The following FSTL5 variants were observed in gnomAD, a reference collection of about 807,000 sequenced individuals.
The protein encoded by FSTL5 is follistatin like 5, also known as follistatin-related protein 5.
A neutral mutation model predicts 89.1 loss-of-function variants in FSTL5; 62 were observed. The ratio of observed to expected loss-of-function variants is 0.70; its 90% CI spans 0.57 to 0.86. The LOEUF is 0.86. FSTL5 is among the 40% of genes least tolerant of loss of function. The pLI is 0.00. For synonymous variants in FSTL5, 383 were observed against 346.2 expected (o/e 1.11, Z -1.18); for missense variants, 1,057 against 1,001.6 (o/e 1.06, Z -0.75).
chr4:161,582,044 C>G (rs1271633539), intron 8 of FSTL5, among the ~76,000 whole-genome samples: 1 of 152,202 alleles, frequency 6.6e-6, no homozygotes, highest in Non-Finnish European at 1.5e-5. Flanking sequence ...CACAGAAGCA[C>G]TCTCATATTT....
chr4:161,969,674 T>A (rs1280816495), intron 3 of FSTL5, among the ~76,000 whole-genome samples: 2 of 152,132 alleles, frequency 1.3e-5, no homozygotes, highest in Non-Finnish European at 2.9e-5. Context: ...TCCACACGTA[T>A]TTCCTGTGCA....
At chr4:161,726,847 G>A (rs1414202828) in intron 6 of FSTL5, among the ~76,000 whole-genome samples, 2 of 150,602 alleles carry the variant, frequency 1.3e-5, no homozygotes, top group South Asian at 2.1e-4. Flanking sequence ...TACTGATTAA[G>A]GGATTCTAAC....
At chr4:161,494,036 T>C (rs1422730341) in intron 12 of FSTL5, among the ~76,000 whole-genome samples, 3 of 152,166 alleles carry the variant, frequency 2.0e-5, no homozygotes, top group East Asian at 3.9e-4. Flanking sequence ...AAGACCTCTT[T>C]ACATCTACGA....
At chr4:162,092,509 T>C (rs1056885105) in intron 2 of FSTL5, among the ~76,000 whole-genome samples, 1 of 152,184 alleles carries the variant, frequency 6.6e-6, no homozygotes, top group Non-Finnish European at 1.5e-5. Flanking sequence ...CTAGAAATTA[T>C]TTCACCTGAA....
intron 15 of FSTL5, among the ~76,000 whole-genome samples, chr4:161,444,271 G>A (rs1018500257): frequency 1.3e-5 from 2 of 151,930 alleles, no homozygotes; most frequent in African/African-American, 4.8e-5. Flanking sequence ...ACTTTATGAA[G>A]TTGGACATGA....
intron 3 of FSTL5, among the ~76,000 whole-genome samples, chr4:161,930,458 G>A (rs959409508): frequency 6.6e-6 from 1 of 151,754 alleles, no homozygotes; most frequent in South Asian, 2.1e-4. Context: ...AAAGCACTAT[G>A]CTTCCATGAG....
rs1054246567 is a variant in FSTL5, at chr4:161,424,543, A to G, written c.1841+30461T>C. Among the ~76,000 whole-genome samples, 10 of 146,848 alleles carry G rather than the reference A, an allele frequency of 6.8e-5. No individual in the cohort carries two copies. The East Asian group carries it at 2.0e-3, about 30-fold the overall frequency. ...TTCCTCCTTTAAATAAAAAAAAAAA[A>G]TGGTTTTCTTTTGTAATATTCCCTC... On this transcript the variant is annotated intron_variant, in intron 15 of 15. Transcript: ENST00000306100.
intron 10 of FSTL5, among the ~76,000 whole-genome samples, chr4:161,531,197 A>C (rs1731402077): frequency 6.6e-6 from 1 of 152,214 alleles, no homozygotes; most frequent in South Asian, 2.1e-4. Flanking sequence ...TTGTTGACAA[A>C]GTTAGACACT....
At chr4:161,779,793 A>G (rs867266241) in intron 4 of FSTL5, among the ~76,000 whole-genome samples, 7 of 51,748 alleles carry the variant, frequency 1.4e-4, no homozygotes, top group South Asian at 1.3e-3. Flanking sequence ...ATATATATAT[A>G]TATATATATA....
intron 7 of FSTL5, among the ~76,000 whole-genome samples, chr4:161,593,708 C>A (rs1733912585): frequency 6.6e-6 from 1 of 152,046 alleles, no homozygotes; most frequent in Admixed American, 6.6e-5. Flanking sequence ...TATATACGAT[C>A]AATCATACCA....
intron 5 of FSTL5, among the ~76,000 whole-genome samples, chr4:161,770,989 A>G (rs1025131366): frequency 6.6e-6 from 1 of 152,044 alleles, no homozygotes; most frequent in Non-Finnish European, 1.5e-5. Flanking sequence ...AACAAAACGA[A>G]TATTGTGCTA....
chr4:162,033,346 G>A (rs1206816598), intron 3 of FSTL5, among the ~76,000 whole-genome samples: 1 of 152,068 alleles, frequency 6.6e-6, no homozygotes, highest in Non-Finnish European at 1.5e-5. Context: ...ACAATGGTTG[G>A]TGGAGGAGTT....
chr4:161,830,484 C>T (rs1730810405), intron 4 of FSTL5, among the ~76,000 whole-genome samples: 1 of 151,844 alleles, frequency 6.6e-6, no homozygotes, highest in African/African-American at 2.4e-5. Context: ...TGCAGGCATA[C>T]TTTTTATTGA....
intron 4 of FSTL5, among the ~76,000 whole-genome samples, chr4:161,875,738 T>C (rs1235870239): frequency 6.6e-6 from 1 of 152,230 alleles, no homozygotes; most frequent in Non-Finnish European, 1.5e-5. Context: ...GTGGCTTTCC[T>C]TTTTACATGA....
At chr4:162,010,676 T>C (rs1221933902) in intron 3 of FSTL5, among the ~76,000 whole-genome samples, 1 of 152,252 alleles carries the variant, frequency 6.6e-6, no homozygotes, top group African/African-American at 2.4e-5. Context: ...TCTGGTCATT[T>C]CATATAAACA....
intron 6 of FSTL5, among the ~76,000 whole-genome samples, chr4:161,691,191 A>T (rs1303143293): frequency 6.6e-6 from 1 of 151,906 alleles, no homozygotes; most frequent in Admixed American, 6.6e-5. Flanking sequence ...TTTATTATTC[A>T]GTTCATTCAC....
chr4:161,818,603 G>A (rs1222223066), intron 4 of FSTL5, among the ~76,000 whole-genome samples: 1 of 152,214 alleles, frequency 6.6e-6, no homozygotes, highest in Non-Finnish European at 1.5e-5. Flanking sequence ...GGTTTGAGCA[G>A]TGGGGCATTG....
chr4:161,791,996 A>C (rs1302114424), intron 4 of FSTL5, among the ~76,000 whole-genome samples: 1 of 152,080 alleles, frequency 6.6e-6, no homozygotes, highest in Non-Finnish European at 1.5e-5. Context: ...GATGCCCCGC[A>C]CTGCCAGGCA....
chr4:161,538,379 A>G, intron 9 of FSTL5, 79 bp from the exon 10 acceptor site: 1 of 1,488,870 alleles, frequency 6.7e-7, no homozygotes, highest in Non-Finnish European at 9.3e-7. Flanking sequence ...ACAGTCAAAC[A>G]GTTCTCTTGG....
Sources: gnomAD v4.1 joint callset for allele counts (sites outside exome capture counted in the v4.1 genomes callset) on GRCh38, gnomAD v4.1.1 for gene constraint, MANE v1.5 for transcripts, NCBI Gene and HGNC (gene_info 2026-07-23, HGNC 2026-07-21) for gene names.